Variants in RNF150 observed in about 807,000 individuals in gnomAD.
RNF150 encodes ring finger protein 150.
Under a neutral mutation model 39.3 loss-of-function variants are expected in RNF150, and 24 were observed. The ratio of observed to expected loss-of-function variants is 0.61; its 90% CI spans 0.44 to 0.86. The LOEUF (loss-of-function observed/expected upper bound fraction) is 0.86. RNF150 is among the 40% of genes least tolerant of loss of function. RNF150 has a pLI of 0.00. For missense variants in RNF150, 502 were observed against 587.8 expected, an observed-to-expected ratio of 0.85 and a Z score of 1.51; for synonymous variants, 255 against 227.3, an observed-to-expected ratio of 1.12 and a Z score of -1.10.
chr4:141,028,818 T>C (rs369313824), intron 1 of RNF150, among the ~76,000 whole-genome samples: 12 of 152,100 alleles, frequency 7.9e-5, no homozygotes, highest in African/African-American at 2.9e-4. Flanking sequence ...TTTCCAACAG[T>C]GAAAATAATT....
At chr4:141,071,362 C>T (rs1369625528) in intron 1 of RNF150, among the ~76,000 whole-genome samples, 1 of 150,656 alleles carries the variant, frequency 6.6e-6, no homozygotes, top group African/African-American at 2.5e-5. Context: ...TGCACATGTA[C>T]CCTAAAACTT....
At chr4:140,896,377 A>G (rs371919522) in intron 6 of RNF150, among the ~76,000 whole-genome samples, 2 of 17,066 alleles carry the variant, frequency 1.2e-4, no homozygotes, top group African/African-American at 4.4e-4. Flanking sequence ...ATGAGTTCAT[A>G]TCCTTTGTAG....
At position 141,132,451 on chromosome 4, in the gene RNF150, G is replaced by A; in HGVS notation, c.358C>T (p.Leu120Phe). ...TACGTGCAGTTGCCCTTGGGGATGA[G>A]GGCTATCCAGTTCTTGCCGCGGGTC... ...APTRGKNWIALIPKGNCTYRD... is the reference protein window; with the variant it reads ...APTRGKNWIAFIPKGNCTYRD... The change falls in exon 1 of 7, where the codon CTC becomes TTC. Residue 120 changes from leucine to phenylalanine, a missense_variant. Transcript: ENST00000515673. This position sits in a 1 kb window ranked among gnomAD's most constrained non-coding sequence, Gnocchi z 4.9. The A allele has an allele frequency of 1.9e-6, 3 of 1,610,466 alleles. No individual in the cohort carries two copies. Among genetic ancestry groups the A allele is most frequent in the Non-Finnish European group, 2.5e-6 (3 of 1,178,854 alleles).
chr4:141,196,864 C>A (rs1578792353), intron 1 of RNF150, among the ~76,000 whole-genome samples: 1 of 152,296 alleles, frequency 6.6e-6, no homozygotes, highest in Non-Finnish European at 1.5e-5. Flanking sequence ...CCAGAATCTG[C>A]CTTAGAGACA....
intron 4 of RNF150, among the ~76,000 whole-genome samples, chr4:140,938,366 G>T (rs1315567148): frequency 2.6e-5 from 4 of 152,042 alleles, no homozygotes; most frequent in Non-Finnish European, 5.9e-5. Flanking sequence ...GTGAGTGAGA[G>T]GCTGCCCTAG....
chr4:141,181,716 TTCAAA>T (rs528224759), intron 1 of RNF150, among the ~76,000 whole-genome samples: 3 of 152,196 alleles, frequency 2.0e-5, no homozygotes, highest in Non-Finnish European at 4.4e-5. Flanking sequence ...GAGTTTAGTG[TTCAAA>T]TAAAATACAC....
At position 141,000,079 on chromosome 4, in the gene RNF150, A is replaced by G. The variant is rs1288674942; in HGVS notation, c.485-32206T>C. On this transcript the variant is annotated intron_variant, in intron 1 of 6. Transcript: ENST00000515673. ...AAGAAGAAGAAGAAGAAGAAGAAGAAGAAGAAGGAGAAGAAGAAGAAGAAG... is the reference window on the plus strand; with the variant it reads ...AAGAAGAAGAAGAAGAAGAAGAAGAGGAAGAAGGAGAAGAAGAAGAAGAAG... Among the ~76,000 whole-genome samples the G allele has an allele frequency of 1.4e-4, 10 of 71,070 alleles. 1 individual carries two copies. The highest frequency in any genetic ancestry group is 2.7e-4 in the Admixed American group (2 of 7,378). The allele number at this position is 71,070 out of a possible 152,430, so 46.6% of individuals were successfully genotyped here.
chr4:141,018,673 G>A (rs752829271), intron 1 of RNF150, among the ~76,000 whole-genome samples: 1 of 152,082 alleles, frequency 6.6e-6, no homozygotes, highest in African/African-American at 2.4e-5. Flanking sequence ...TCCAGATCCA[G>A]GAGGCCCAGA....
At chr4:141,123,022 C>A (rs764415800) in intron 1 of RNF150, among the ~76,000 whole-genome samples, 1 of 152,148 alleles carries the variant, frequency 6.6e-6, no homozygotes, top group African/African-American at 2.4e-5. Context: ...AACCAGGCAC[C>A]CACTTCATGC....
intron 1 of RNF150, among the ~76,000 whole-genome samples, chr4:141,181,560 G>A (rs1727909955): frequency 6.6e-6 from 1 of 152,122 alleles, no homozygotes; most frequent in Non-Finnish European, 1.5e-5. Flanking sequence ...GATTGGGCAC[G>A]AGAAATCACT....
At chr4:140,941,973 C>T (rs1045979247) in intron 4 of RNF150, among the ~76,000 whole-genome samples, 11 of 152,086 alleles carry the variant, frequency 7.2e-5, no homozygotes, top group African/African-American at 2.2e-4. Flanking sequence ...AAAAATAAAA[C>T]GCGCACAAAA....
At chr4:141,142,665 C>T (rs1337304406) in intron 1 of RNF150, among the ~76,000 whole-genome samples, 4 of 152,282 alleles carry the variant, frequency 2.6e-5, no homozygotes, top group Non-Finnish European at 4.4e-5. Flanking sequence ...CCTCACCTTA[C>T]GTAACCTCTC....
chr4:140,943,580 A>G (rs1732172220), intron 4 of RNF150, among the ~76,000 whole-genome samples: 1 of 152,186 alleles, frequency 6.6e-6, no homozygotes. Flanking sequence ...ATTTTTATAC[A>G]TTGTGTTATT....
chr4:141,099,885 A>G (rs755424519), intron 1 of RNF150, among the ~76,000 whole-genome samples: 2 of 152,190 alleles, frequency 1.3e-5, no homozygotes, highest in Non-Finnish European at 2.9e-5. Flanking sequence ...ATAAAATTCT[A>G]TACATTAAAT....
intron 6 of RNF150, among the ~76,000 whole-genome samples, chr4:140,885,187 T>C (rs1041755527): frequency 6.6e-6 from 1 of 150,664 alleles, no homozygotes; most frequent in African/African-American, 2.4e-5. Context: ...CTCTACATTT[T>C]TTCCAACATC....
chr4:140,893,994 G>T (rs1729852263), intron 6 of RNF150, among the ~76,000 whole-genome samples: 1 of 152,092 alleles, frequency 6.6e-6, no homozygotes, highest in African/African-American at 2.4e-5. Flanking sequence ...GGGGGTTAAG[G>T]TTTTAGTATT....
At chr4:141,131,862 C>A (rs1312395577) in intron 1 of RNF150, among the ~76,000 whole-genome samples, 1 of 152,066 alleles carries the variant, frequency 6.6e-6, no homozygotes. Flanking sequence ...TGCAAGTTCG[C>A]GGTGGTGAGC....
At chr4:141,009,049 G>A (rs1734969928) in intron 1 of RNF150, among the ~76,000 whole-genome samples, 1 of 152,252 alleles carries the variant, frequency 6.6e-6, no homozygotes, top group South Asian at 2.1e-4. Flanking sequence ...AATCTATACA[G>A]TATCTACATG....
chr4:141,172,906 A>G (rs920548602), intron 1 of RNF150, among the ~76,000 whole-genome samples: 7 of 152,064 alleles, frequency 4.6e-5, no homozygotes, highest in African/African-American at 1.4e-4. Context: ...GGCACCTGTG[A>G]TCCCAGCTAC....
Sources: gnomAD v4.1 joint callset for allele counts (sites outside exome capture counted in the v4.1 genomes callset) on GRCh38, gnomAD v4.1.1 for gene constraint, Gnocchi (gnomAD v3.1) non-coding constraint, MANE v1.5 for transcripts, NCBI Gene and HGNC (gene_info 2026-07-23, HGNC 2026-07-21) for gene names.